Variants in PCCA observed in about 807,000 individuals in gnomAD.
PCCA encodes propionyl-CoA carboxylase subunit alpha, also known as propionyl-CoA carboxylase alpha chain, mitochondrial.
Under a neutral mutation model 101.3 loss-of-function variants are expected in PCCA, and 74 were observed. That is an observed-to-expected ratio of 0.73 (90% CI 0.61 to 0.89). PCCA has a LOEUF of 0.89. Among genes scored for constraint, PCCA ranks in the 40% least tolerant of loss-of-function variants. The pLI is 0.00. For missense variants in PCCA, 891 were observed against 907.0 expected, an observed-to-expected ratio of 0.98 and a Z score of 0.23; for synonymous variants, 294 against 313.6, an observed-to-expected ratio of 0.94 and a Z score of 0.66.
chr13:100,291,295 T>A (rs1288039041), intron 12 of PCCA, among the ~76,000 whole-genome samples: 1 of 152,090 alleles, frequency 6.6e-6, no homozygotes, highest in Admixed American at 6.6e-5. Flanking sequence ...AAGAAAAGTG[T>A]ACGGGATGAT....
At chr13:100,104,030 C>G (rs574287265) in intron 2 of PCCA, among the ~76,000 whole-genome samples, 2 of 152,190 alleles carry the variant, frequency 1.3e-5, no homozygotes, top group Non-Finnish European at 2.9e-5. Context: ...ATGTTTGAGC[C>G]TTGTAGGGAC....
At chr13:100,456,812 C>T (rs913639978) in intron 21 of PCCA, among the ~76,000 whole-genome samples, 3 of 152,112 alleles carry the variant, frequency 2.0e-5, no homozygotes, top group Non-Finnish European at 2.9e-5. Context: ...GGACAAGGAG[C>T]GTGACCGTTG....
intron 17 of PCCA, among the ~76,000 whole-genome samples, chr13:100,336,290 C>A (rs1177913838): frequency 2.0e-5 from 3 of 151,986 alleles, no homozygotes; most frequent in African/African-American, 7.2e-5. Flanking sequence ...AAACACACAC[C>A]CAAAAAACAG....
chr13:100,341,957 G>GTGTATATATATATATATATATA (rs371378776), intron 18 of PCCA, among the ~76,000 whole-genome samples: 2 of 107,172 alleles, frequency 1.9e-5, no homozygotes, highest in African/African-American at 8.6e-5. Flanking sequence ...ACCCTTCAAA[G>GTGTATATATATATATATATATA]TATATATATA....
chr13:100,374,113 AAAATAAATAAAT>A (rs1197869415), intron 19 of PCCA, among the ~76,000 whole-genome samples: 9 of 152,066 alleles, frequency 5.9e-5, no homozygotes, highest in Non-Finnish European at 1.2e-4. Flanking sequence ...CTCTCTCTCA[AAAATAAATAAAT>A]AAATAAATAA....
intron 19 of PCCA, among the ~76,000 whole-genome samples, chr13:100,420,879 T>TA (rs1409354408): frequency 5.3e-5 from 8 of 152,086 alleles, no homozygotes; most frequent in African/African-American, 1.7e-4. Context: ...TTGCATATTG[T>TA]AATGACAGAG....
At position 100,310,043 on chromosome 13, in the gene PCCA, C is replaced by T; in HGVS notation, c.1429+135C>T. On this transcript the variant is annotated intron_variant, in intron 16 of 23. Transcript: ENST00000376285. ...TGCTTAAAGAGAAATAAGAAAAACTCAAATCCATCAAACCACCATACCAAG... is the reference window on the plus strand; with the variant it reads ...TGCTTAAAGAGAAATAAGAAAAACTTAAATCCATCAAACCACCATACCAAG... 2 of 695,974 alleles carry T rather than the reference C, an allele frequency of 2.9e-6. 1 individual carries two copies. Among genetic ancestry groups the T allele is most frequent in the South Asian group, 3.2e-5 (2 of 62,818 alleles). The allele number at this position is 695,974 out of a possible 1,614,324, so 43.1% of individuals were successfully genotyped here. A position where few individuals can be genotyped will look rare whatever the true frequency, so the allele number is the denominator to read the frequency against.
intron 19 of PCCA, among the ~76,000 whole-genome samples, chr13:100,381,914 C>T (rs1330834000): frequency 2.0e-5 from 3 of 152,218 alleles, no homozygotes; most frequent in Non-Finnish European, 4.4e-5. Flanking sequence ...CCAGCAGGAG[C>T]GAACTCTGTG....
chr13:100,306,148 A>G (rs2066428858), intron 14 of PCCA, among the ~76,000 whole-genome samples: 1 of 152,186 alleles, frequency 6.6e-6, no homozygotes, highest in African/African-American at 2.4e-5. Context: ...TTAAAGGCCT[A>G]ACAGCCGCTG....
chr13:100,514,306 T>C (rs2086681878), intron 21 of PCCA, among the ~76,000 whole-genome samples: 1 of 152,188 alleles, frequency 6.6e-6, no homozygotes, highest in African/African-American at 2.4e-5. Flanking sequence ...CCCTTTTCAG[T>C]AGGCCCTGTG....
chr13:100,416,512 CTGTG>C (rs143797850), intron 19 of PCCA, among the ~76,000 whole-genome samples: 3 of 145,404 alleles, frequency 2.1e-5, no homozygotes, highest in African/African-American at 2.6e-5. Context: ...TTTTAAATAT[CTGTG>C]TGTGTGTGTG....
At chr13:100,379,081 G>A (rs1020279138) in intron 19 of PCCA, among the ~76,000 whole-genome samples, 1 of 152,122 alleles carries the variant, frequency 6.6e-6, no homozygotes, top group Non-Finnish European at 1.5e-5. Context: ...TTTCATAGGG[G>A]AAGACTTTTT....
At chr13:100,420,720 T>C (rs577438548) in intron 19 of PCCA, among the ~76,000 whole-genome samples, 2 of 152,304 alleles carry the variant, frequency 1.3e-5, no homozygotes, top group East Asian at 3.9e-4. Flanking sequence ...CTGAAACACA[T>C]TGTAAAATTT....
intron 6 of PCCA, among the ~76,000 whole-genome samples, chr13:100,161,806 G>A (rs567889638): frequency 4.6e-4 from 70 of 152,040 alleles, no homozygotes; most frequent in Admixed American, 1.5e-3. Flanking sequence ...CTTAAGAAGG[G>A]TTGAGAATTG....
chr13:100,399,788 A>C lies in PCCA; in HGVS notation c.1747-25845A>C, dbSNP rs563992201. The stretch of plus-strand genomic sequence containing the variant: ...TTCTTCAATGAATAGAAATTGTAGA[A>C]AGCATAATATGCAGTGTATGTGATG... On this transcript the variant is annotated intron_variant, in intron 19 of 23. Coordinates refer to ENST00000376285, the MANE Select transcript of PCCA (RefSeq NM_000282.4). Among the ~76,000 whole-genome samples, 28 of 152,340 alleles carry C rather than the reference A, an allele frequency of 1.8e-4. 2 individuals are homozygous for C. In the East Asian group the frequency reaches 3.3e-3, roughly 18 times the overall value.
intron 4 of PCCA, among the ~76,000 whole-genome samples, chr13:100,124,289 T>C (rs1025735277): frequency 1.3e-5 from 2 of 152,184 alleles, no homozygotes; most frequent in Admixed American, 1.3e-4. Flanking sequence ...GTTCCTAAAT[T>C]GAACCTATCT....
chr13:100,428,876 T>A (rs780303163), intron 20 of PCCA, among the ~76,000 whole-genome samples: 15 of 152,080 alleles, frequency 9.9e-5, no homozygotes, highest in Non-Finnish European at 1.6e-4. Context: ...ATTAAGGACA[T>A]AGGAGAGGCT....
At chr13:100,298,634 CCCT>C (rs1566890324) in intron 12 of PCCA, among the ~76,000 whole-genome samples, 4,282 of 5,208 alleles carry the variant, frequency 0.82, 1,801 homozygotes, top group Non-Finnish European at 0.84. Context: ...TCCCTCCCCT[CCCT>C]CCCTCCCTCC....
At position 100,268,793 on chromosome 13, in the gene PCCA, C is replaced by G. The variant is rs774298513; in HGVS notation, c.914+10C>G. On this transcript the variant is annotated intron_variant, in intron 11 of 23. Transcript: ENST00000376285. Reference sequence around the variant, plus strand: ...TGGAGGAAGCACCAAGGTAAGTCTCCTAAGAAACATTTATAAAGCGGCTGC... The same window carrying G: ...TGGAGGAAGCACCAAGGTAAGTCTCGTAAGAAACATTTATAAAGCGGCTGC... The G allele has an allele frequency of 6.7e-5, 106 of 1,590,046 alleles. 3 individuals carry two copies. In the South Asian group the frequency reaches 1.1e-3, roughly 17 times the overall value.
Sources: allele counts gnomAD v4.1 joint callset (sites outside exome capture counted in the v4.1 genomes callset), GRCh38; gene constraint gnomAD v4.1.1; transcripts MANE v1.5; gene names NCBI Gene and HGNC (gene_info 2026-07-23, HGNC 2026-07-21).